The following ARHGAP10 variants were observed in gnomAD, a reference collection of about 807,000 sequenced individuals.
ARHGAP10 encodes the protein rho GTPase-activating protein 10.
ARHGAP10 carries 87 observed loss-of-function variants against 108.6 expected under a neutral mutation model. The observed-to-expected ratio is 0.80, with a 90% CI of 0.67 to 0.96. The LOEUF (loss-of-function observed/expected upper bound fraction) is 0.96, where lower values mean the gene tolerates loss of function less well. Ranked by LOEUF, ARHGAP10 falls within the 40% of genes least tolerant of loss-of-function variation. ARHGAP10 has a pLI of 0.00. For synonymous variants in ARHGAP10, 347 were observed against 341.1 expected, an observed-to-expected ratio of 1.02 and a Z score of -0.19; for missense variants, 939 against 954.5, an observed-to-expected ratio of 0.98 and a Z score of 0.21.
intron 1 of ARHGAP10, among the ~76,000 whole-genome samples, chr4:147,814,258 AAG>A (rs1274490861): frequency 6.6e-6 from 1 of 151,924 alleles, no homozygotes; most frequent in Non-Finnish European, 1.5e-5. Context: ...TGGATCACAA[AAG>A]AGGATGTTTT....
chr4:148,020,928 G>A (rs1426089958), intron 18 of ARHGAP10, among the ~76,000 whole-genome samples: 1 of 152,066 alleles, frequency 6.6e-6, no homozygotes, highest in Non-Finnish European at 1.5e-5. Flanking sequence ...CTGGTGTTTT[G>A]ATTTTGACTT....
chr4:148,030,117 A>G (rs955450373), intron 19 of ARHGAP10, among the ~76,000 whole-genome samples: 44 of 143,476 alleles, frequency 3.1e-4, no homozygotes, highest in African/African-American at 1.0e-3. Flanking sequence ...GTGGAGGAGG[A>G]AAAAAAAAAA....
rs763449520 is a variant in ARHGAP10, at chr4:147,827,829, T to TG, written c.312+4876dup. Among the ~76,000 whole-genome samples the TG allele has an allele frequency of 2.5e-4, 38 of 152,242 alleles. 1 individual carries two copies. The highest frequency in any genetic ancestry group is 8.8e-5 in the Non-Finnish European group (6 of 68,022). ...TCTTTTTTTTTGTTTGTTTTTGAGA[T>TG]GGGGTCTCGCTCTGTCACCAGGCCT... On this transcript the variant is annotated intron_variant, in intron 3 of 22. Coordinates refer to ENST00000336498, the MANE Select transcript of ARHGAP10 (RefSeq NM_024605.4).
intron 9 of ARHGAP10, among the ~76,000 whole-genome samples, chr4:147,881,366 G>A (rs1253141443): frequency 6.9e-6 from 1 of 145,478 alleles, no homozygotes; most frequent in South Asian, 2.2e-4. Context: ...GGCTGGGCGC[G>A]GTGGCTCACG....
intron 1 of ARHGAP10, among the ~76,000 whole-genome samples, chr4:147,733,779 G>A (rs1449418497): frequency 6.6e-6 from 1 of 152,296 alleles, no homozygotes; most frequent in East Asian, 1.9e-4. Context: ...AATTTTGGAG[G>A]CAAGTCACTC....
intron 13 of ARHGAP10, among the ~76,000 whole-genome samples, chr4:147,924,427 GA>G (rs1439561657): frequency 1.3e-5 from 2 of 152,100 alleles, no homozygotes; most frequent in Non-Finnish European, 2.9e-5. Flanking sequence ...CCACAGAATA[GA>G]AATGAAGAAA....
At chr4:147,817,729 C>T (rs941373183) in intron 1 of ARHGAP10, among the ~76,000 whole-genome samples, 1 of 152,182 alleles carries the variant, frequency 6.6e-6, no homozygotes, top group African/African-American at 2.4e-5. Context: ...GGGTGCAGGT[C>T]ACATTCATTC....
intron 3 of ARHGAP10, among the ~76,000 whole-genome samples, chr4:147,839,491 C>T (rs1469967370): frequency 6.6e-6 from 1 of 152,148 alleles, no homozygotes; most frequent in Non-Finnish European, 1.5e-5. Context: ...ATTAGAAAGG[C>T]ATGATTTAGT....
chr4:148,034,420 T>C (rs548213486), intron 19 of ARHGAP10, among the ~76,000 whole-genome samples: 16 of 152,116 alleles, frequency 1.1e-4, no homozygotes, highest in South Asian at 2.1e-4. Flanking sequence ...CAGGTTCAAG[T>C]GATTCTCCTG....
At chr4:147,760,266 A>G (rs1452867627) in intron 1 of ARHGAP10, among the ~76,000 whole-genome samples, 1 of 152,222 alleles carries the variant, frequency 6.6e-6, no homozygotes, top group Non-Finnish European at 1.5e-5. Flanking sequence ...TCAGCTCATT[A>G]GATTTTCACA....
chr4:147,745,483 GTGTTTGTT>G (rs573154646), intron 1 of ARHGAP10: 13 of 155,512 alleles, frequency 8.4e-5, no homozygotes, highest in Admixed American at 3.3e-4. Context: ...AGAGCACAAA[GTGTTTGTT>G]TGTTTGTTTG....
intron 13 of ARHGAP10, among the ~76,000 whole-genome samples, chr4:147,936,716 G>A (rs1158533151): frequency 1.3e-5 from 2 of 152,168 alleles, no homozygotes; most frequent in African/African-American, 4.8e-5. Flanking sequence ...AGTAGACTTA[G>A]GTAGACTAAG....
chr4:147,909,912 A>C, intron 12 of ARHGAP10, 135 bp downstream of exon 12: 12 of 826,522 alleles, frequency 1.5e-5, no homozygotes, highest in Non-Finnish European at 2.1e-5. Context: ...ACACGTAATA[A>C]TCCTCTATTG....
intron 4 of ARHGAP10, 87 bp from the exon 5 acceptor site, chr4:147,857,466 A>G (rs899883185): frequency 5.7e-6 from 7 of 1,236,038 alleles, no homozygotes; most frequent in Non-Finnish European, 7.5e-6. Context: ...TTATTTTCAG[A>G]TATTTTTCAT....
At chr4:147,848,448 T>A (rs1733722349) in intron 4 of ARHGAP10, among the ~76,000 whole-genome samples, 1 of 152,258 alleles carries the variant, frequency 6.6e-6, no homozygotes. Flanking sequence ...CTTTCACTTC[T>A]GCGACCTTGA....
chr4:147,986,916 A>G (rs977884348), intron 18 of ARHGAP10, among the ~76,000 whole-genome samples: 41 of 152,054 alleles, frequency 2.7e-4, no homozygotes, highest in African/African-American at 9.2e-4. Flanking sequence ...TAAGCCCTAG[A>G]CTCTGCTGCT....
At chr4:147,876,879 A>G (rs1735087804) in intron 8 of ARHGAP10, among the ~76,000 whole-genome samples, 1 of 152,220 alleles carries the variant, frequency 6.6e-6, no homozygotes, top group African/African-American at 2.4e-5. Flanking sequence ...TTGCCCATTT[A>G]TAAATGAAAA....
intron 15 of ARHGAP10, among the ~76,000 whole-genome samples, chr4:147,952,849 T>C (rs1298008679): frequency 3.3e-5 from 5 of 151,994 alleles, no homozygotes; most frequent in Non-Finnish European, 7.4e-5. Flanking sequence ...ACAAAGGTTT[T>C]CTTTTTTTGT....
intron 12 of ARHGAP10, 53 bp from the exon 13 acceptor site, chr4:147,913,021 G>A (rs1386214168): frequency 1.0e-5 from 15 of 1,498,342 alleles, no homozygotes; most frequent in Non-Finnish European, 1.4e-5. Context: ...AAAAGGAAGA[G>A]AAATGTGATA....
Sources: gnomAD v4.1 joint callset for allele counts (sites outside exome capture counted in the v4.1 genomes callset) on GRCh38, gnomAD v4.1.1 for gene constraint, MANE v1.5 for transcripts, NCBI Gene and HGNC (gene_info 2026-07-23, HGNC 2026-07-21) for gene names.